Variants in ACSL3 observed in about 807,000 individuals in gnomAD.
ACSL3 encodes the protein acyl-CoA synthetase long chain family member 3.
A neutral mutation model predicts 84.7 loss-of-function variants in ACSL3; 34 were observed. The ratio of observed to expected loss-of-function variants is 0.40; its 90% confidence interval spans 0.31 to 0.53. The LOEUF (loss-of-function observed/expected upper bound fraction) is 0.53, where lower values mean the gene tolerates loss of function less well. Ranked by LOEUF, ACSL3 falls within the 20% of genes least tolerant of loss-of-function variation. ACSL3 has a pLI of 0.48. For missense variants in ACSL3, 680 were observed against 873.1 expected (o/e 0.78, Z 2.79); for synonymous variants, 315 against 299.4 (o/e 1.05, Z -0.54).
intron 3 of ACSL3, among the ~76,000 whole-genome samples, chr2:222,905,668 A>C (rs1696274034): frequency 6.6e-6 from 1 of 152,132 alleles, no homozygotes; most frequent in Non-Finnish European, 1.5e-5. Flanking sequence ...TATGGCAAAA[A>C]CCAAATTCCC....
At chr2:222,892,245 A>G (rs1695859255) in intron 2 of ACSL3, among the ~76,000 whole-genome samples, 1 of 152,226 alleles carries the variant, frequency 6.6e-6, no homozygotes, top group African/African-American at 2.4e-5. Flanking sequence ...AGAATTTAAA[A>G]CAACTGTCCT....
intron 1 of ACSL3, among the ~76,000 whole-genome samples, chr2:222,883,736 C>A (rs192810899): frequency 6.6e-6 from 1 of 151,914 alleles, no homozygotes; most frequent in East Asian, 1.9e-4. Context: ...TGTAATGGAA[C>A]TTGAATCTCT....
At chr2:222,938,646 C>G (rs1697231772) in intron 16 of ACSL3, among the ~76,000 whole-genome samples, 1 of 151,940 alleles carries the variant, frequency 6.6e-6, no homozygotes, top group Non-Finnish European at 1.5e-5. Flanking sequence ...GTGTTTTGAG[C>G]TGCTTGAATT....
intron 1 of ACSL3, among the ~76,000 whole-genome samples, chr2:222,885,833 C>T (rs1695706896): frequency 6.6e-6 from 1 of 152,016 alleles, no homozygotes; most frequent in African/African-American, 2.4e-5. Flanking sequence ...ACCTCTGCCT[C>T]CTGGGTTCAA....
At chr2:222,887,524 TTTG>T (rs1695752118) in intron 1 of ACSL3, among the ~76,000 whole-genome samples, 1 of 152,164 alleles carries the variant, frequency 6.6e-6, no homozygotes, top group Non-Finnish European at 1.5e-5. Context: ...GCTGTACCAT[TTTG>T]CATTCCCACC....
intron 1 of ACSL3, among the ~76,000 whole-genome samples, chr2:222,873,956 C>T (rs1175927513): frequency 2.0e-5 from 3 of 152,142 alleles, no homozygotes; most frequent in East Asian, 3.8e-4. Context: ...AGAGGTTGTA[C>T]TTATATATCT....
chr2:222,866,744 G>GCCCCCT (rs1695153203), intron 1 of ACSL3, among the ~76,000 whole-genome samples: 3 of 22,732 alleles, frequency 1.3e-4, no homozygotes, highest in Non-Finnish European at 1.7e-4. Flanking sequence ...AAACTGCCCT[G>GCCCCCT]CCCCCCCCGC....
rs570757664 is a variant in ACSL3 at position 222,874,441 on chromosome 2, A to G, written c.-207+13183A>G. Among the ~76,000 whole-genome samples, 77 of 152,356 alleles carry G rather than the reference A, an allele frequency of 5.1e-4. 1 individual carries two copies. Among genetic ancestry groups the G allele is most frequent in the Middle Eastern group, 3.4e-3 (1 of 294 alleles). On this transcript the variant is annotated intron_variant, in intron 1 of 16. Transcript: ENST00000357430. The stretch of plus-strand genomic sequence containing the variant: ...CACAGTGGCTAACGTCTATAATCCC[A>G]GGACTTCGGGAGGCTGAGGAGGAAG...
At chr2:222,915,794 G>A (rs1696565853) in intron 4 of ACSL3, among the ~76,000 whole-genome samples, 1 of 152,158 alleles carries the variant, frequency 6.6e-6, no homozygotes, top group Non-Finnish European at 1.5e-5. Context: ...CCAGAGTTTG[G>A]TATGGCAATT....
At chr2:222,921,573 G>A (rs1263380936) in intron 8 of ACSL3, 143 bp downstream of exon 8, 3 of 787,644 alleles carry the variant, frequency 3.8e-6, no homozygotes, top group African/African-American at 1.7e-5. Context: ...AATAAAAAAG[G>A]ACATTAAAAT....
At chr2:222,916,220 G>GT in intron 4 of ACSL3, 99 bp from the exon 5 acceptor site, 3 of 718,294 alleles carry the variant, frequency 4.2e-6, no homozygotes, top group Non-Finnish European at 6.1e-6. Flanking sequence ...CTATGCAAAC[G>GT]TAACTTTCTG....
chr2:222,923,254 G>C lies in ACSL3; in HGVS notation c.1152+105G>C, dbSNP rs538712684. ...ATTGTTGACAAGGTAGTTTATGTAGGATTTATTCCTTATTGATTATAAATA... is the reference window on the plus strand; with the variant it reads ...ATTGTTGACAAGGTAGTTTATGTAGCATTTATTCCTTATTGATTATAAATA... On this transcript the variant is annotated intron_variant, in intron 10 of 16. Coordinates refer to ENST00000357430, the MANE Select transcript of ACSL3 (RefSeq NM_004457.5). 3.6e-5 allele frequency: 33 copies of C among 922,606 alleles called. 1 individual carries two copies. The South Asian group carries it at 5.0e-4, about 14-fold the overall frequency. 57.2% of individuals were successfully genotyped at this position (922,606 alleles called of 1,614,324 possible).
chr2:222,938,711 A>G (rs1265414470), intron 16 of ACSL3, among the ~76,000 whole-genome samples: 1 of 152,148 alleles, frequency 6.6e-6, no homozygotes, highest in African/African-American at 2.4e-5. Flanking sequence ...GATTTCTTCA[A>G]ATAGGCTTTC....
intron 1 of ACSL3, among the ~76,000 whole-genome samples, chr2:222,867,833 A>G (rs762692280): frequency 1.6e-4 from 25 of 151,856 alleles, no homozygotes; most frequent in Middle Eastern, 3.2e-3. Context: ...TGTTCTTCAC[A>G]TTTTTGTCTC....
At chr2:222,921,472 G>A (rs762421760) in intron 8 of ACSL3, 42 bp downstream of exon 8, 1 of 1,526,900 alleles carries the variant, frequency 6.5e-7, no homozygotes, top group South Asian at 1.3e-5. Context: ...AAGTATTTAT[G>A]TCTGTTATAA....
chr2:222,937,793 T>G (rs772150007), intron 16 of ACSL3, among the ~76,000 whole-genome samples: 42 of 152,172 alleles, frequency 2.8e-4, no homozygotes, highest in Non-Finnish European at 4.7e-4. Flanking sequence ...ACATTTCAGG[T>G]CATTATTGAT....
chr2:222,941,322 A>G (rs2106147224), intron 16 of ACSL3, among the ~76,000 whole-genome samples, 175 bp from the exon 17 acceptor site: 1 of 152,208 alleles, frequency 6.6e-6, no homozygotes, highest in African/African-American at 2.4e-5. Flanking sequence ...GACTTGTTAA[A>G]TAGTTTATTG....
At chr2:222,921,028 T>C (rs1238460435) in intron 7 of ACSL3, 2 of 590,052 alleles carry the variant, frequency 3.4e-6, no homozygotes, top group East Asian at 7.6e-5. Context: ...TAGCATCTAT[T>C]GTCATCTTCT....
chr2:222,938,171 A>G (rs552916505), intron 16 of ACSL3, among the ~76,000 whole-genome samples: 70 of 152,256 alleles, frequency 4.6e-4, no homozygotes, highest in African/African-American at 1.7e-3. Context: ...TTTAAATTCT[A>G]TACAGATTTA....
Sources: allele counts gnomAD v4.1 joint callset (sites outside exome capture counted in the v4.1 genomes callset), GRCh38; gene constraint gnomAD v4.1.1; transcripts MANE v1.5; gene names NCBI Gene and HGNC (gene_info 2026-07-23, HGNC 2026-07-21).